The following CNTN4 variants were observed in gnomAD, a reference collection of about 807,000 sequenced individuals.
CNTN4 encodes the protein contactin 4.
In CNTN4, 77 loss-of-function variants were observed where a neutral mutation model predicts 122.5. The observed-to-expected ratio is 0.63, with a 90% CI of 0.52 to 0.76. The LOEUF (loss-of-function observed/expected upper bound fraction) is 0.76, where lower values mean the gene tolerates loss of function less well. Ranked by LOEUF, CNTN4 falls within the 30% of genes least tolerant of loss-of-function variation. The pLI is 0.00. For missense variants in CNTN4, 1,256 were observed against 1,259.1 expected (o/e 1.00, Z 0.04); for synonymous variants, 512 against 447.0 (o/e 1.15, Z -1.83).
intron 23 of CNTN4, among the ~76,000 whole-genome samples, chr3:3,045,844 A>G (rs1411430371): frequency 6.6e-6 from 1 of 151,960 alleles, no homozygotes; most frequent in South Asian, 2.1e-4. Flanking sequence ...TAAAGGAGGA[A>G]GTTCGAACCC....
In CNTN4 at chr3:2,605,432, A is replaced by T. The variant is rs2081217473; in HGVS notation, c.55+33874A>T. On this transcript the variant is annotated intron_variant, in intron 4 of 24. Transcript: ENST00000418658. ...CCCTGTAGCAAGGTAAAGACTTTGG[A>T]TTTTTTTTCTGGATGAGCTGGGAAG... is the stretch of plus-strand genomic sequence containing the variant. Among the ~76,000 whole-genome samples, 3 of 151,882 alleles carry T rather than the reference A, an allele frequency of 2.0e-5. 1 individual carries two copies. The highest frequency in any genetic ancestry group is 2.0e-4 in the Admixed American group (3 of 15,242).
intron 3 of CNTN4, among the ~76,000 whole-genome samples, chr3:2,478,141 T>C (rs1441108548): frequency 6.6e-6 from 1 of 152,190 alleles, no homozygotes; most frequent in Non-Finnish European, 1.5e-5. Flanking sequence ...ATGCGTTGAC[T>C]TGAAACCTTT....
chr3:2,381,084 C>T (rs1381464422), intron 3 of CNTN4, among the ~76,000 whole-genome samples: 1 of 151,924 alleles, frequency 6.6e-6, no homozygotes, highest in African/African-American at 2.4e-5. Flanking sequence ...CGGCTCACTG[C>T]AACCTCTGCC....
intron 2 of CNTN4, among the ~76,000 whole-genome samples, chr3:2,223,468 G>A (rs1271166375): frequency 1.3e-5 from 2 of 152,254 alleles, no homozygotes; most frequent in East Asian, 3.9e-4. Context: ...CTGATTTTTA[G>A]AATATCAAGG....
intron 3 of CNTN4, among the ~76,000 whole-genome samples, chr3:2,501,962 T>A (rs905615809): frequency 1.3e-5 from 2 of 152,154 alleles, no homozygotes; most frequent in African/African-American, 4.8e-5. Context: ...ATTTAAAATA[T>A]TGCATGGAAT....
intron 2 of CNTN4, among the ~76,000 whole-genome samples, chr3:2,169,774 TTC>T (rs1196445029): frequency 2.4e-4 from 36 of 152,210 alleles, no homozygotes; most frequent in African/African-American, 8.4e-4. Flanking sequence ...GTAAAACTGT[TTC>T]TGTTTTAAGT....
intron 2 of CNTN4, among the ~76,000 whole-genome samples, chr3:2,110,205 A>G (rs916239132): frequency 3.3e-5 from 5 of 152,368 alleles, no homozygotes; most frequent in African/African-American, 1.2e-4. Flanking sequence ...GTCTCTTACT[A>G]GCTGTGTGAT....
intron 4 of CNTN4, among the ~76,000 whole-genome samples, chr3:2,700,543 G>A (rs967587398): frequency 2.0e-5 from 3 of 152,098 alleles, no homozygotes; most frequent in Non-Finnish European, 4.4e-5. Context: ...ATTCCTGCAA[G>A]GAAGGACTCT....
intron 2 of CNTN4, among the ~76,000 whole-genome samples, chr3:2,115,091 C>T (rs1439107422): frequency 6.6e-6 from 1 of 152,178 alleles, no homozygotes; most frequent in African/African-American, 2.4e-5. Flanking sequence ...ACCATGAGGC[C>T]TCTCTGATGA....
chr3:2,112,649 T>C (rs2033053287), intron 2 of CNTN4, among the ~76,000 whole-genome samples: 1 of 152,208 alleles, frequency 6.6e-6, no homozygotes, highest in African/African-American at 2.4e-5. Flanking sequence ...TATCAAAAAC[T>C]GTTTTGTTTA....
chr3:2,969,527 T>TTA (rs1692681362), intron 13 of CNTN4, among the ~76,000 whole-genome samples: 1 of 151,878 alleles, frequency 6.6e-6, no homozygotes, highest in African/African-American at 2.4e-5. Context: ...ATTATTATTA[T>TTA]TATTATTATT....
intron 3 of CNTN4, among the ~76,000 whole-genome samples, chr3:2,397,937 G>C (rs2150942529): frequency 6.6e-6 from 1 of 152,188 alleles, no homozygotes; most frequent in Non-Finnish European, 1.5e-5. Flanking sequence ...TTTGGTCTAA[G>C]AAAATGAAGA....
chr3:2,903,075 C>G (rs1244427464), intron 12 of CNTN4, 70 bp downstream of exon 12: 4 of 1,498,928 alleles, frequency 2.7e-6, no homozygotes, highest in Admixed American at 1.7e-5. Context: ...TGTTCTTTGC[C>G]AAGCATAAAT....
intron 12 of CNTN4, among the ~76,000 whole-genome samples, chr3:2,903,835 T>C (rs377491291): frequency 5.9e-5 from 9 of 152,338 alleles, no homozygotes; most frequent in African/African-American, 1.9e-4. Flanking sequence ...TTCATCATTT[T>C]ATTCCCAGGA....
chr3:2,506,525 G>A (rs1409048476), intron 3 of CNTN4, among the ~76,000 whole-genome samples: 3 of 152,214 alleles, frequency 2.0e-5, no homozygotes, highest in East Asian at 3.8e-4. Context: ...TTGATGGTGA[G>A]TTAGTAGGTG....
intron 3 of CNTN4, among the ~76,000 whole-genome samples, chr3:2,542,904 G>C (rs1049333062): frequency 3.3e-5 from 5 of 152,078 alleles, no homozygotes; most frequent in African/African-American, 1.2e-4. Context: ...TGCTTACGTT[G>C]TATTCATGAT....
At chr3:2,949,797 C>G (rs923629253) in intron 13 of CNTN4, among the ~76,000 whole-genome samples, 2 of 152,194 alleles carry the variant, frequency 1.3e-5, no homozygotes, top group Non-Finnish European at 2.9e-5. Flanking sequence ...TTGAAACAGA[C>G]TTTGGTCTAT....
intron 3 of CNTN4, 94 bp from the exon 4 acceptor site, chr3:2,571,322 T>C: frequency 1.6e-6 from 1 of 634,612 alleles, no homozygotes; most frequent in South Asian, 1.9e-5. Flanking sequence ...TTCCCACAAG[T>C]GAGTTTTATT....
chr3:2,953,432 G>GT (rs367995011), intron 13 of CNTN4, among the ~76,000 whole-genome samples: 10,650 of 146,108 alleles, frequency 0.073, 516 homozygotes, highest in Non-Finnish European at 0.1. Context: ...TAGGCCCCTG[G>GT]TTTTTTTTTT....
Sources: allele counts gnomAD v4.1 joint callset (sites outside exome capture counted in the v4.1 genomes callset), GRCh38; gene constraint gnomAD v4.1.1; transcripts MANE v1.5; gene names NCBI Gene and HGNC (gene_info 2026-07-23, HGNC 2026-07-21).